NELL2: variants seen among roughly 807,000 people sequenced by gnomAD.
NELL2 encodes neural EGFL like 2, also known as protein kinase C-binding protein NELL2.
In NELL2, 41 loss-of-function variants were observed where a neutral mutation model predicts 109.6. That is an observed-to-expected ratio of 0.37 (90% CI 0.29 to 0.49). The LOEUF (loss-of-function observed/expected upper bound fraction) is 0.49, where lower values mean the gene tolerates loss of function less well. Ranked by LOEUF, NELL2 falls within the 20% of genes least tolerant of loss-of-function variation. The pLI is 0.98. For missense variants in NELL2, 900 were observed against 1,008.3 expected, an observed-to-expected ratio of 0.89 and a Z score of 1.45; for synonymous variants, 355 against 344.7, an observed-to-expected ratio of 1.03 and a Z score of -0.33.
At chr12:44,786,483 C>T (rs1942175852) in intron 3 of NELL2, among the ~76,000 whole-genome samples, 1 of 152,178 alleles carries the variant, frequency 6.6e-6, no homozygotes, top group African/African-American at 2.4e-5. Context: ...CCTCAAGGAT[C>T]TAGAACCAGA....
At chr12:44,871,028 A>G (rs1368933059) in intron 2 of NELL2, among the ~76,000 whole-genome samples, 2 of 152,090 alleles carry the variant, frequency 1.3e-5, no homozygotes, top group Admixed American at 6.6e-5. Flanking sequence ...TTCATATCAC[A>G]TGCCCTATGT....
At chr12:44,915,585 CAT>C (rs144309879), upstream of NELL2, among the ~76,000 whole-genome samples, 459 of 152,250 alleles carry the variant, frequency 3.0e-3, 1 homozygote, top group African/African-American at 0.011. Flanking sequence ...ACTGGCAAGA[CAT>C]GTGGGAATTG....
upstream of NELL2, among the ~76,000 whole-genome samples, chr12:44,877,801 T>C (rs1458850065): frequency 1.3e-5 from 2 of 152,158 alleles, no homozygotes; most frequent in Admixed American, 6.5e-5. Flanking sequence ...ATTTGTAACT[T>C]TGTAAAGTTT....
At chr12:44,848,537 TTCTTCCC>T (rs1317328430) in intron 2 of NELL2, among the ~76,000 whole-genome samples, 3 of 152,076 alleles carry the variant, frequency 2.0e-5, no homozygotes, top group Non-Finnish European at 4.4e-5. Flanking sequence ...CAAGACCCTC[TTCTTCCC>T]CACCCCCATC....
At chr12:44,623,953 A>C in intron 13 of NELL2, among the ~76,000 whole-genome samples, 1 of 151,074 alleles carries the variant, frequency 6.6e-6, no homozygotes, top group African/African-American at 2.4e-5. Context: ...ACATGGACAC[A>C]GGGAGGGGAA....
intron 13 of NELL2, among the ~76,000 whole-genome samples, chr12:44,620,042 G>A (rs1330284817): frequency 6.6e-6 from 1 of 152,056 alleles, no homozygotes; most frequent in African/African-American, 2.4e-5. Context: ...AGGCAACTGG[G>A]AAGGTGGTGA....
At chr12:44,704,682 C>T (rs1208635361) in intron 11 of NELL2, among the ~76,000 whole-genome samples, 1 of 152,080 alleles carries the variant, frequency 6.6e-6, no homozygotes, top group Non-Finnish European at 1.5e-5. Context: ...TGCTATCTAT[C>T]TAGGTTTGCA....
Position 44,714,720 on chromosome 12 carries a change from C to A in NELL2, c.1016G>T (p.Arg339Leu). 1.9e-6 allele frequency: 3 copies of A among 1,599,396 alleles called. No homozygotes were observed. Among genetic ancestry groups the A allele is most frequent in the Non-Finnish European group, 2.6e-6 (3 of 1,174,348 alleles). The stretch of plus-strand genomic sequence containing the variant: ...ATTTCTTTCTCCTTCAAAGTAGGTT[C>A]GTCCTTGAAATTGGCATATCGCTTT... ...ECKSICQFQG[R>L]TYFEGERNTV... The change falls in exon 10 of 20, where the codon CGA (arginine) becomes CTA (leucine). Residue 339 changes from arginine (R) to leucine (L), a missense_variant. Coordinates refer to ENST00000429094, the MANE Select transcript of NELL2 (RefSeq NM_001145108.2).
chr12:44,640,861 G>C (rs995163472), intron 13 of NELL2, among the ~76,000 whole-genome samples: 1 of 152,112 alleles, frequency 6.6e-6, no homozygotes, highest in African/African-American at 2.4e-5. Flanking sequence ...AACATGGTTG[G>C]GGAGTGACAA....
intron 3 of NELL2, among the ~76,000 whole-genome samples, chr12:44,798,835 T>G (rs889344268): frequency 6.6e-6 from 1 of 151,856 alleles, no homozygotes; most frequent in Admixed American, 6.6e-5. Flanking sequence ...GGTCGCCTGA[T>G]TATAGCAAAG....
At chr12:44,836,571 G>T (rs1202205672) in intron 2 of NELL2, among the ~76,000 whole-genome samples, 1 of 152,224 alleles carries the variant, frequency 6.6e-6, no homozygotes, top group African/African-American at 2.4e-5. Context: ...GGCTACAGAA[G>T]AAACTCAGGG....
At position 44,623,801 on chromosome 12, in the gene NELL2, C is replaced by T. The variant is rs1433719666; in HGVS notation, c.1445-12831G>A. Among the ~76,000 whole-genome samples, 6 of 152,184 alleles carry T rather than the reference C, an allele frequency of 3.9e-5. No individual in the cohort carries two copies. The South Asian group carries it at 8.3e-4, about 21-fold the overall frequency. ...ACTGTTGCTCAGACATGAATAGAAACGTGACCCGAAGACCAGAAGATGTGT... is the reference window on the plus strand; with the variant it reads ...ACTGTTGCTCAGACATGAATAGAAATGTGACCCGAAGACCAGAAGATGTGT... On this transcript the variant is annotated intron_variant, in intron 13 of 19. Coordinates refer to ENST00000429094, the MANE Select transcript of NELL2 (RefSeq NM_001145108.2).
rs1375293331 is a variant in NELL2 at position 44,684,787 on chromosome 12, T to C, written c.1318+18939A>G. On this transcript the variant is annotated intron_variant, in intron 12 of 19. Coordinates refer to ENST00000429094, the MANE Select transcript of NELL2 (RefSeq NM_001145108.2). ...ATTGCACTGTGGTCTGAGAGATAGT[T>C]TGTTATAATTTCTGTTCTTTTACAT... Among the ~76,000 whole-genome samples, 6 of 152,212 alleles carry C rather than the reference T, an allele frequency of 3.9e-5. 1 individual carries two copies. Among genetic ancestry groups the C allele is most frequent in the Admixed American group, 6.5e-5 (1 of 15,278 alleles).
At chr12:44,825,543 G>A (rs11182703) in intron 2 of NELL2, among the ~76,000 whole-genome samples, 50,358 of 149,058 alleles carry the variant, frequency 0.34, 9,118 homozygotes, top group Non-Finnish European at 0.4. Context: ...CTACAGGTGC[G>A]TGCCACCATG....
chr12:44,668,192 G>A (rs879387381), intron 12 of NELL2, among the ~76,000 whole-genome samples: 10 of 152,100 alleles, frequency 6.6e-5, no homozygotes, highest in African/African-American at 2.2e-4. Context: ...TCCACACAAT[G>A]TCCTACACAC....
chr12:44,843,180 G>GA (rs200989343), intron 2 of NELL2, among the ~76,000 whole-genome samples: 48 of 138,064 alleles, frequency 3.5e-4, no homozygotes, highest in East Asian at 4.2e-4. Flanking sequence ...ACTAGAATAT[G>GA]AAAAAAAAAC....
intron 9 of NELL2, among the ~76,000 whole-genome samples, chr12:44,759,504 G>A (rs1941033117): frequency 6.6e-6 from 1 of 152,162 alleles, no homozygotes; most frequent in East Asian, 1.9e-4. Flanking sequence ...AAGTGAGAGT[G>A]TCATAAACCA....
intron 15 of NELL2, among the ~76,000 whole-genome samples, chr12:44,545,446 C>T (rs1366109948): frequency 6.6e-6 from 1 of 151,934 alleles, no homozygotes; most frequent in Non-Finnish European, 1.5e-5. Flanking sequence ...ATGTGCTAGA[C>T]ACTGTGGAAA....
chr12:44,825,999 G>A (rs1000660335), intron 2 of NELL2, among the ~76,000 whole-genome samples: 6 of 151,736 alleles, frequency 4.0e-5, no homozygotes, highest in South Asian at 2.1e-4. Flanking sequence ...CCGAGATCGC[G>A]CCATTGCACT....
Sources: allele counts gnomAD v4.1 joint callset (sites outside exome capture counted in the v4.1 genomes callset), GRCh38; gene constraint gnomAD v4.1.1; transcripts MANE v1.5; gene names NCBI Gene and HGNC (gene_info 2026-07-23, HGNC 2026-07-21).